Variants in KRT78 observed in about 807,000 individuals in gnomAD.
The protein encoded by KRT78 is keratin, type II cytoskeletal 78.
In KRT78, 55 loss-of-function variants were observed where a neutral mutation model predicts 51.4. That is an observed-to-expected ratio of 1.07 (90% CI 0.86 to 1.34). The LOEUF (loss-of-function observed/expected upper bound fraction) is 1.34, where lower values mean the gene tolerates loss of function less well. Ranked by LOEUF, KRT78 falls within the 40% of genes most tolerant of loss-of-function variation. KRT78 has a pLI of 0.00. For synonymous variants in KRT78, 291 were observed against 264.3 expected (o/e 1.10, Z -0.98); for missense variants, 652 against 649.4 (o/e 1.00, Z -0.04).
Position 52,839,787 on chromosome 12 carries a change from C to T in KRT78, c.1245G>A (p.Arg415=), listed in dbSNP as rs768476995. 65 of 1,613,964 alleles carry T rather than the reference C, an allele frequency of 4.0e-5. No individual in the cohort carries two copies. Among genetic ancestry groups the T allele is most frequent in the African/African-American group, 2.4e-4 (18 of 74,904 alleles). ...ACCTGCACTCCTCGCCCTCCAGCAG[C>T]CTGCGGTAAGTGGCAATCTCCACAT... ...SLDVEIATYR[R]LLEGEECRMS... is the part of the protein sequence containing the mutation. Residue 415 remains arginine (R), a synonymous_variant, in exon 7 of 9, where the codon AGG becomes AGA. Coordinates refer to ENST00000304620, the MANE Select transcript of KRT78 (RefSeq NM_173352.4).
intron 1 of KRT78, 54 bp downstream of exon 1, chr12:52,848,493 G>C (rs1940699722): frequency 6.3e-7 from 1 of 1,594,206 alleles, no homozygotes; most frequent in Non-Finnish European, 8.5e-7. Context: ...TCCATCAAGA[G>C]CAGCTCCTCC....
intron 6 of KRT78, among the ~76,000 whole-genome samples, chr12:52,843,527 T>G (rs541992029): frequency 6.7e-6 from 1 of 149,284 alleles, no homozygotes; most frequent in African/African-American, 2.5e-5. Flanking sequence ...CCGTCCCTAC[T>G]GAAAATGCAA....
chr12:52,842,061 C>G (rs1940512286), intron 6 of KRT78, among the ~76,000 whole-genome samples: 1 of 152,154 alleles, frequency 6.6e-6, no homozygotes, highest in South Asian at 2.1e-4. Flanking sequence ...GCAAGGGGTC[C>G]AAATTTGTTG....
chr12:52,843,008 A>AGGAAGGAGGGAGGGAGGGAGGGAG (rs1555182943), intron 6 of KRT78, among the ~76,000 whole-genome samples: 1 of 25,154 alleles, frequency 4.0e-5, no homozygotes, highest in African/African-American at 1.1e-4. Flanking sequence ...GAAGGAAGGA[A>AGGAAGGAGGGAGGGAGGGAGGGAG]GGAGGGAGGG....
intron 3 of KRT78, 115 bp from the exon 4 acceptor site, chr12:52,846,407 A>T: frequency 6.8e-6 from 5 of 733,562 alleles, no homozygotes; most frequent in Non-Finnish European, 1.2e-5. Context: ...GCCTCCCAAG[A>T]CCCCCTCCTT....
intron 2 of KRT78, 22 bp downstream of exon 2, chr12:52,847,885 G>C: frequency 1.2e-6 from 2 of 1,607,614 alleles, no homozygotes; most frequent in African/African-American, 2.7e-5. Context: ...CACATGGCAT[G>C]GGGAAATTTC....
chr12:52,844,245 T>C, intron 5 of KRT78, 27 bp from the exon 6 acceptor site: 21 of 1,567,332 alleles, frequency 1.3e-5, no homozygotes, highest in Non-Finnish European at 1.8e-5. Context: ...GGGGACACCA[T>C]TAGTTGAGAG....
chr12:52,839,836 A>T lies in KRT78; in HGVS notation c.1196T>A (p.Leu399Gln). The T allele has an allele frequency of 6.2e-7, 1 of 1,614,028 alleles. No homozygotes were observed. Among genetic ancestry groups the T allele is most frequent in the African/African-American group, 1.3e-5 (1 of 74,980 alleles). ...LARLLCEYQE[L>Q]TSTKLSLDVE... ...ATCCAGGGAAAGCTTCGTGCTCGTC[A>T]GCTCCTGGTACTCGCACAGCAGCCG... The change falls in exon 7 of 9, where the codon CTG becomes CAG. Residue 399 changes from leucine (L) to glutamine (Q), a missense_variant. Leu to Gln is a moderately radical substitution (Grantham distance 113). Transcript: ENST00000304620.
intron 3 of KRT78, 32 bp from the exon 4 acceptor site, chr12:52,846,324 C>G (rs201605602): frequency 1.8e-5 from 24 of 1,358,786 alleles, no homozygotes; most frequent in Non-Finnish European, 2.4e-5. Context: ...ACACGTAACC[C>G]CCTCTTCCTC....
rs1158055717 is a variant in KRT78 at position 52,843,688 on chromosome 12, CA to C, written c.1047+404del. 9.8e-3 allele frequency among the ~76,000 whole-genome samples: 622 copies of C among 63,194 alleles called. 3 individuals are homozygous for C. The highest frequency in any genetic ancestry group is 0.017 in the Non-Finnish European group (427 of 24,652). The allele number at this position is 63,194 out of a possible 152,430, so 41.5% of individuals were successfully genotyped here. The stretch of plus-strand genomic sequence containing the variant: ...TGGGCAGTGGAGTAAGACTCTGTCT[CA>C]AAAAAAAAAAAAAAAAGAAAAAGAA... On this transcript the variant is annotated intron_variant, in intron 6 of 8. Transcript: ENST00000304620.
rs1940416257 is a variant in KRT78 at position 52,839,150 on chromosome 12, G to C, written c.1526C>G (p.Thr509Arg). ...GSSCHTILKK[T>R]VESSLKTSIT... is the part of the protein sequence containing the mutation. ...GGATGTCTTCAGACTCGACTCAACTGTCTTCTTCAGGATGGTGTGGCAGCT... is the reference window on the plus strand; with the variant it reads ...GGATGTCTTCAGACTCGACTCAACTCTCTTCTTCAGGATGGTGTGGCAGCT... The change falls in exon 9 of 9, where the codon ACA (threonine) becomes AGA (arginine). Residue 509 changes from threonine to arginine, a missense_variant. Physicochemically the swap from Thr to Arg is moderately conservative, Grantham distance 71 (BLOSUM62 -1). Transcript: ENST00000304620. 1 of 1,613,340 alleles carries C rather than the reference G, an allele frequency of 6.2e-7. No homozygotes were observed. The highest frequency in any genetic ancestry group is 1.3e-5 in the African/African-American group (1 of 74,916).
At chr12:52,842,537 C>A (rs149566053) in intron 6 of KRT78, among the ~76,000 whole-genome samples, 163 of 152,250 alleles carry the variant, frequency 1.1e-3, no homozygotes, top group African/African-American at 3.6e-3. Flanking sequence ...TGGCTCCCAA[C>A]TTCCCCCACA....
intron 2 of KRT78, among the ~76,000 whole-genome samples, chr12:52,847,298 T>C (rs1008744978): frequency 3.9e-5 from 6 of 152,068 alleles, no homozygotes; most frequent in African/African-American, 1.4e-4. Context: ...ATTTCCCAAG[T>C]TTACAGAAGG....
In KRT78 at chr12:52,838,927, G is replaced by A. The variant is rs1186088633; in HGVS notation, c.*186C>T. On this transcript the variant is annotated 3_prime_UTR_variant, in exon 9 of 9. Coordinates refer to ENST00000304620, the MANE Select transcript of KRT78 (RefSeq NM_173352.4). ...TGGGGAGCCACACAGCTTTTGTTTT[G>A]CTGGGTGAGGTGTGCAAGCACTTAG... 1.5e-6 allele frequency: 1 copy of A among 675,968 alleles called. No individual in the cohort carries two copies. The highest frequency in any genetic ancestry group is 1.8e-5 in the African/African-American group (1 of 55,430). The allele number at this position is 675,968 out of a possible 1,614,324, so 41.9% of individuals were successfully genotyped here.
intron 1 of KRT78, 177 bp downstream of exon 1, chr12:52,848,370 C>G (rs1279947261): frequency 2.1e-6 from 3 of 1,409,280 alleles, no homozygotes; most frequent in South Asian, 2.6e-5. Context: ...AATCATGGAA[C>G]AACAGGGCCT....
At position 52,844,694 on chromosome 12, in the gene KRT78, G is replaced by C; in HGVS notation, c.786C>G (p.Ser262Arg). Reference sequence around the variant, plus strand: ...CCATGGACAGCACCACAGACGTGTCGCTGGCCTGGGTCTGGAGCTGGCCCA... The same window carrying C: ...CCATGGACAGCACCACAGACGTGTCCCTGGCCTGGGTCTGGAGCTGGCCCA... ...EELGQLQTQA[S>R]DTSVVLSMDN... The change falls in exon 5 of 9, where the codon AGC becomes AGG. Residue 262 changes from serine to arginine, a missense_variant. By Grantham distance (110) the Ser-to-Arg change is moderately radical. Transcript: ENST00000304620. The C allele has an allele frequency of 6.2e-7, 1 of 1,612,996 alleles. No individual in the cohort carries two copies. The highest frequency in any genetic ancestry group is 1.7e-4 in the Middle Eastern group (1 of 6,054).
At chr12:52,839,643 C>G in intron 7 of KRT78, 121 bp downstream of exon 7, 1 of 1,294,262 alleles carries the variant, frequency 7.7e-7, no homozygotes, top group Non-Finnish European at 1.1e-6. Context: ...CGTCGGTTGC[C>G]CTTAGCAACT....
At chr12:52,847,819 GTA>G in intron 2 of KRT78, 86 bp downstream of exon 2, 1 of 1,161,750 alleles carries the variant, frequency 8.6e-7, no homozygotes, top group Non-Finnish European at 1.3e-6. Flanking sequence ...TGGGTGCTCA[GTA>G]TGTGGGACAC....
chr12:52,841,377 C>T (rs1940495398), intron 6 of KRT78, among the ~76,000 whole-genome samples: 1 of 151,456 alleles, frequency 6.6e-6, no homozygotes, highest in Non-Finnish European at 1.5e-5. Context: ...GTCCCAGCTA[C>T]TCAGGAGGCT....
Sources: allele counts gnomAD v4.1 joint callset (sites outside exome capture counted in the v4.1 genomes callset), GRCh38; gene constraint gnomAD v4.1.1; transcripts MANE v1.5; gene names NCBI Gene and HGNC (gene_info 2026-07-23, HGNC 2026-07-21).